Variants in INTS15 observed in about 807,000 individuals in gnomAD.
The protein encoded by INTS15 is uncharacterized protein C7orf26.
chr7:6,594,708 G>C, the INTS15 span: 4 of 1,043,500 alleles, frequency 3.8e-6, no homozygotes, highest in African/African-American at 6.4e-5. Context: ...TGGCTGTTTT[G>C]TCTCTGAAAT....
chr7:6,590,565 C>A, the INTS15 span: 1 of 1,401,256 alleles, frequency 7.1e-7, no homozygotes, highest in Non-Finnish European at 9.3e-7. Flanking sequence ...AAGCCGCGGG[C>A]GCCCCATGTC....
chr7:6,608,098 G>GGCCCC, the INTS15 span: 1 of 1,311,292 alleles, frequency 7.6e-7, no homozygotes, highest in Non-Finnish European at 1.0e-6. Flanking sequence ...ACCCCGCCCT[G>GGCCCC]CCCACGCATC....
At chr7:6,593,492 G>A in the INTS15 span, among the ~76,000 whole-genome samples, 1 of 151,732 alleles carries the variant, frequency 6.6e-6, no homozygotes, top group African/African-American at 2.4e-5. Context: ...CATCAGTGGT[G>A]CCGGCCAATT....
the INTS15 span, among the ~76,000 whole-genome samples, chr7:6,604,081 G>A: frequency 5.8e-3 from 878 of 152,234 alleles, 3 homozygotes; most frequent in Non-Finnish European, 9.4e-3. Flanking sequence ...AGTGTCAGCT[G>A]CTTTTTTTCT....
At chr7:6,590,494 G>C in the INTS15 span, 1 of 1,543,192 alleles carries the variant, frequency 6.5e-7, no homozygotes, top group Non-Finnish European at 8.7e-7. Flanking sequence ...TGAGACGGTC[G>C]GGTTCCCGGG....
At chr7:6,590,275 G>T in the INTS15 span, 1 of 1,518,050 alleles carries the variant, frequency 6.6e-7, no homozygotes, top group East Asian at 2.6e-5. Context: ...GGGCCGCGGC[G>T]GCCGCACCAT....
chr7:6,591,720 T>G, the INTS15 span: 2 of 1,614,212 alleles, frequency 1.2e-6, no homozygotes, highest in Non-Finnish European at 1.7e-6. Context: ...CCAAGGACTC[T>G]GTTCGGCAGA....
chr7:6,606,922 T>C, the INTS15 span, among the ~76,000 whole-genome samples: 1 of 152,124 alleles, frequency 6.6e-6, no homozygotes, highest in Non-Finnish European at 1.5e-5. Flanking sequence ...TTGCTCCGTC[T>C]GGTCTTGAAC....
the INTS15 span, among the ~76,000 whole-genome samples, chr7:6,590,723 C>G: frequency 2.6e-5 from 4 of 152,196 alleles, no homozygotes; most frequent in African/African-American, 9.7e-5. Context: ...TGGCGACTGC[C>G]CGCTCCCTAG....
At chr7:6,600,168 A>C in the INTS15 span, 1 of 1,614,224 alleles carries the variant, frequency 6.2e-7, no homozygotes. Flanking sequence ...CACCTGACCG[A>C]GAAGAATCTG....
chr7:6,596,708 C>G, the INTS15 span, among the ~76,000 whole-genome samples: 6 of 151,536 alleles, frequency 4.0e-5, no homozygotes, highest in Middle Eastern at 3.5e-3. Flanking sequence ...GGTTTTGTAA[C>G]TCTCTTGAGA....
the INTS15 span, chr7:6,591,596 A>C: frequency 1.3e-6 from 2 of 1,525,078 alleles, no homozygotes; most frequent in Middle Eastern, 1.7e-4. Flanking sequence ...TGAGTTAATA[A>C]GTACGTTACA....
At chr7:6,590,511 A>AGGCG in the INTS15 span, 93 of 1,514,726 alleles carry the variant, frequency 6.1e-5, no homozygotes, top group East Asian at 7.9e-5. Context: ...CGGGCCCCGC[A>AGGCG]GGCGGGCGGG....
chr7:6,594,533 C>A, the INTS15 span: 2 of 1,614,030 alleles, frequency 1.2e-6, no homozygotes, highest in Non-Finnish European at 1.7e-6. Context: ...AGCAGATATT[C>A]AGTGCCAGCC....
the INTS15 span, among the ~76,000 whole-genome samples, chr7:6,602,912 C>T: frequency 9.9e-5 from 15 of 152,154 alleles, no homozygotes; most frequent in African/African-American, 3.6e-4. Flanking sequence ...TCTTGCCTAC[C>T]CCAGCTTCTC....
the INTS15 span, among the ~76,000 whole-genome samples, chr7:6,600,515 A>G: frequency 6.6e-6 from 1 of 151,948 alleles, no homozygotes; most frequent in Non-Finnish European, 1.5e-5. Flanking sequence ...TGCCCCCTGC[A>G]TTCCACCCTC....
chr7:6,600,468 C>G, the INTS15 span: 64 of 1,149,548 alleles, frequency 5.6e-5, no homozygotes, highest in African/African-American at 8.9e-4. Flanking sequence ...ACTTCTTTTC[C>G]TCCTAGTGAA....
chr7:6,602,216 T>C, the INTS15 span: 2 of 1,297,546 alleles, frequency 1.5e-6, no homozygotes, highest in Middle Eastern at 2.0e-4. Context: ...GGCGAGCCCC[T>C]TTGTCCTGGG....
chr7:6,597,816 A>G, the INTS15 span, among the ~76,000 whole-genome samples: 1 of 152,250 alleles, frequency 6.6e-6, no homozygotes, highest in African/African-American at 2.4e-5. Flanking sequence ...GGAAGTCACC[A>G]TCCGAATGGT....
Sources: gnomAD v4.1 joint callset for allele counts (sites outside exome capture counted in the v4.1 genomes callset) on GRCh38, gnomAD v4.1.1 for gene constraint, MANE v1.5 for transcripts, NCBI Gene and HGNC (gene_info 2026-07-23, HGNC 2026-07-21) for gene names.